SPAG16: variants seen among roughly 807,000 people sequenced by gnomAD.
The protein encoded by SPAG16 is sperm-associated antigen 16 protein.
Under a neutral mutation model 80.4 loss-of-function variants are expected in SPAG16, and 86 were observed. That is an observed-to-expected ratio of 1.07 (90% CI 0.90 to 1.28). The LOEUF is 1.28. Ranked by LOEUF, SPAG16 falls within the 50% of genes most tolerant of loss-of-function variation. The pLI is 0.00. For synonymous variants in SPAG16, 294 were observed against 265.9 expected (o/e 1.11, Z -1.03); for missense variants, 870 against 765.3 (o/e 1.14, Z -1.61).
At chr2:214,299,302 G>A (rs1250019088) in intron 15 of SPAG16, among the ~76,000 whole-genome samples, 1 of 138,306 alleles carries the variant, frequency 7.2e-6, no homozygotes, top group Non-Finnish European at 1.5e-5. Flanking sequence ...CCAGGCTGGA[G>A]TGCAGTGGCG....
intron 15 of SPAG16, among the ~76,000 whole-genome samples, chr2:214,268,033 CAAAAG>C (rs1220414014): frequency 6.6e-6 from 1 of 151,802 alleles, no homozygotes; most frequent in African/African-American, 2.4e-5. Flanking sequence ...GGACATTTCT[CAAAAG>C]AAGAGATACA....
chr2:213,831,733 C>T (rs1307074667), intron 10 of SPAG16, among the ~76,000 whole-genome samples: 1 of 152,026 alleles, frequency 6.6e-6, no homozygotes, highest in Non-Finnish European at 1.5e-5. Context: ...ATGTATGCCA[C>T]ATCACCTGTT....
At chr2:213,811,728 A>G (rs774854425) in intron 10 of SPAG16, among the ~76,000 whole-genome samples, 6 of 152,156 alleles carry the variant, frequency 3.9e-5, no homozygotes, top group Non-Finnish European at 8.8e-5. Flanking sequence ...GTGGTTGAGA[A>G]CTGAAATTAT....
At chr2:214,303,750 G>A (rs1204583607) in intron 15 of SPAG16, among the ~76,000 whole-genome samples, 1 of 151,988 alleles carries the variant, frequency 6.6e-6, no homozygotes, top group Non-Finnish European at 1.5e-5. Context: ...ATGCTTATAA[G>A]TTATAGGTTT....
chr2:213,489,203 T>C (rs2074130814), intron 9 of SPAG16, among the ~76,000 whole-genome samples: 1 of 152,108 alleles, frequency 6.6e-6, no homozygotes, highest in African/African-American at 2.4e-5. Context: ...TTTAAAGAAT[T>C]AGCTGTAAGG....
At chr2:214,371,532 CAAAAAAA>C (rs199553043) in intron 15 of SPAG16, among the ~76,000 whole-genome samples, 4 of 78,406 alleles carry the variant, frequency 5.1e-5, no homozygotes, top group Non-Finnish European at 1.2e-4. Flanking sequence ...AAATCCTTCT[CAAAAAAA>C]AAAAAAAAAA....
At chr2:214,065,169 C>G (rs2050473372) in intron 13 of SPAG16, among the ~76,000 whole-genome samples, 1 of 152,022 alleles carries the variant, frequency 6.6e-6, no homozygotes, top group East Asian at 1.9e-4. Flanking sequence ...AGGTTAGAAT[C>G]AACACTTATA....
chr2:214,264,957 A>G (rs550936138), intron 15 of SPAG16, among the ~76,000 whole-genome samples: 1 of 152,260 alleles, frequency 6.6e-6, no homozygotes, highest in South Asian at 2.1e-4. Flanking sequence ...ATGGTTTGAT[A>G]GATCATTTCT....
At chr2:214,282,349 T>C (rs1169770456) in intron 15 of SPAG16, among the ~76,000 whole-genome samples, 1 of 152,136 alleles carries the variant, frequency 6.6e-6, no homozygotes, top group East Asian at 1.9e-4. Context: ...ATAAATCTAA[T>C]GAGGAGAAAT....
intron 15 of SPAG16, among the ~76,000 whole-genome samples, chr2:214,407,739 C>T (rs1232057910): frequency 6.6e-6 from 1 of 152,088 alleles, no homozygotes; most frequent in African/African-American, 2.4e-5. Flanking sequence ...TCTCTCAAAC[C>T]AATTGGATAC....
At chr2:213,426,464 CAATCT>C (rs983576743) in intron 9 of SPAG16, among the ~76,000 whole-genome samples, 66 of 151,916 alleles carry the variant, frequency 4.3e-4, no homozygotes, top group African/African-American at 1.5e-3. Context: ...TGTGAGCTTG[CAATCT>C]AATGATTCTT....
intron 11 of SPAG16, among the ~76,000 whole-genome samples, chr2:213,919,887 G>A: frequency 6.6e-6 from 1 of 152,140 alleles, no homozygotes; most frequent in East Asian, 1.9e-4. Context: ...TGTCAGTAGG[G>A]TGTTGCAGTC....
At chr2:213,364,185 T>G (rs1260667872) in intron 8 of SPAG16, 40 bp downstream of exon 8, 2 of 1,271,198 alleles carry the variant, frequency 1.6e-6, no homozygotes, top group Admixed American at 5.6e-5. Context: ...TTAATATAGT[T>G]TGGTGATTTC....
Position 213,973,589 on chromosome 2 carries a change from G to A in SPAG16, c.1401-40362G>A, listed in dbSNP as rs183073171. 2.0e-4 allele frequency among the ~76,000 whole-genome samples: 31 copies of A among 151,860 alleles called. No individual in the cohort carries two copies. In the East Asian group the frequency reaches 6.0e-3, roughly 29 times the overall value. Reference sequence around the variant, plus strand: ...AAGCCATGGAGAGGTGTGGATAAGGGCGAGTAAGAATGCCACAATTTTTGG... The same window carrying A: ...AAGCCATGGAGAGGTGTGGATAAGGACGAGTAAGAATGCCACAATTTTTGG... On this transcript the variant is annotated intron_variant, in intron 12 of 15. Transcript: ENST00000331683.
At chr2:213,978,186 A>G (rs749603050) in intron 12 of SPAG16, among the ~76,000 whole-genome samples, 2 of 152,022 alleles carry the variant, frequency 1.3e-5, no homozygotes, top group Non-Finnish European at 2.9e-5. Flanking sequence ...CCAGTCCTTA[A>G]CTGATAAGTC....
chr2:214,404,019 A>C (rs917648363), intron 15 of SPAG16, among the ~76,000 whole-genome samples: 1 of 152,194 alleles, frequency 6.6e-6, no homozygotes, highest in Non-Finnish European at 1.5e-5. Context: ...GACCATGAGG[A>C]CAGCTAGGAA....
intron 15 of SPAG16, among the ~76,000 whole-genome samples, chr2:214,210,718 G>A (rs1450614440): frequency 6.6e-6 from 1 of 151,898 alleles, no homozygotes; most frequent in East Asian, 1.9e-4. Flanking sequence ...AAATATCAAA[G>A]GCCTTAGAAA....
chr2:213,747,553 T>C (rs563547778), intron 10 of SPAG16, among the ~76,000 whole-genome samples: 1 of 152,352 alleles, frequency 6.6e-6, no homozygotes, highest in Non-Finnish European at 1.5e-5. Flanking sequence ...TATACTGTAT[T>C]TTTTGCACAA....
chr2:213,316,863 A>G (rs923034583), intron 4 of SPAG16, among the ~76,000 whole-genome samples: 9 of 152,028 alleles, frequency 5.9e-5, no homozygotes, highest in Middle Eastern at 6.8e-3. Flanking sequence ...CATTCTTCCT[A>G]TATCTTTCAG....
Sources: gnomAD v4.1 joint callset for allele counts (sites outside exome capture counted in the v4.1 genomes callset) on GRCh38, gnomAD v4.1.1 for gene constraint, MANE v1.5 for transcripts, NCBI Gene and HGNC (gene_info 2026-07-23, HGNC 2026-07-21) for gene names.